The following AK7 variants were observed in gnomAD, a reference collection of about 807,000 sequenced individuals.
AK7 encodes the protein adenylate kinase 7, also known as ATP-AMP transphosphorylase 7.
A neutral mutation model predicts 96.6 loss-of-function variants in AK7; 78 were observed. The ratio of observed to expected loss-of-function variants is 0.81; its 90% CI spans 0.67 to 0.97. The LOEUF is 0.97. Ranked by LOEUF, AK7 falls within the 50% of genes least tolerant of loss-of-function variation. The pLI is 0.00. For missense variants in AK7, 855 were observed against 887.9 expected (o/e 0.96, Z 0.47); for synonymous variants, 302 against 317.2 (o/e 0.95, Z 0.51).
intron 6 of AK7, among the ~76,000 whole-genome samples, chr14:96,439,993 AAAG>A (rs1383646174): frequency 6.6e-6 from 1 of 152,102 alleles, no homozygotes; most frequent in African/African-American, 2.4e-5. Flanking sequence ...TTATTTATTT[AAAG>A]AAGGAGTCTT....
intron 12 of AK7, among the ~76,000 whole-genome samples, chr14:96,459,634 C>T (rs539582044): frequency 3.3e-5 from 5 of 152,014 alleles, no homozygotes; most frequent in Admixed American, 6.6e-5. Context: ...GTAATCCCAG[C>T]ACTTCGTGAT....
At chr14:96,457,054 CTTTTT>C (rs35838636) in intron 11 of AK7, 1 of 85,760 alleles carries the variant, frequency 1.2e-5, no homozygotes, top group South Asian at 4.0e-4. Flanking sequence ...TGTAAAATGG[CTTTTT>C]TTTTTTTTTT....
At chr14:96,456,007 G>A (rs1893877210) in intron 10 of AK7, among the ~76,000 whole-genome samples, 1 of 152,048 alleles carries the variant, frequency 6.6e-6, no homozygotes, top group Non-Finnish European at 1.5e-5. Context: ...GGGAAGCTGA[G>A]GTGGGTAGAT....
chr14:96,429,978 G>A (rs1892252682), intron 5 of AK7, among the ~76,000 whole-genome samples: 1 of 152,080 alleles, frequency 6.6e-6, no homozygotes, highest in South Asian at 2.1e-4. Context: ...TGATTGCCCT[G>A]GTCAGAACTT....
chr14:96,422,753 C>A (rs1030349842), intron 5 of AK7, among the ~76,000 whole-genome samples: 1 of 152,206 alleles, frequency 6.6e-6, no homozygotes, highest in African/African-American at 2.4e-5. Flanking sequence ...AGCATTTCAT[C>A]TTTTATTCTG....
intron 13 of AK7, 33 bp from the exon 14 acceptor site, chr14:96,472,654 A>G: frequency 6.4e-7 from 1 of 1,567,672 alleles, no homozygotes; most frequent in South Asian, 1.1e-5. Flanking sequence ...TAATATATTA[A>G]TAAACACAAT....
intron 5 of AK7, among the ~76,000 whole-genome samples, chr14:96,437,055 C>T: frequency 9.0e-6 from 1 of 110,628 alleles, no homozygotes. Flanking sequence ...AGAGTAGAGG[C>T]TGAGAAGGGT....
chr14:96,450,768 C>CTTTTTTTTT (rs937558741), intron 9 of AK7, among the ~76,000 whole-genome samples: 9 of 93,178 alleles, frequency 9.7e-5, no homozygotes, highest in African/African-American at 3.6e-4. Context: ...ATATTTTTCT[C>CTTTTTTTTT]TTTTTTTTTT....
chr14:96,481,913 C>T (rs1200191542), intron 15 of AK7, among the ~76,000 whole-genome samples: 1 of 152,048 alleles, frequency 6.6e-6, no homozygotes, highest in African/African-American at 2.4e-5. Flanking sequence ...CCATGTTGGC[C>T]AGGCTGGTCT....
At chr14:96,422,426 G>T (rs1042402291) in intron 5 of AK7, among the ~76,000 whole-genome samples, 3 of 152,212 alleles carry the variant, frequency 2.0e-5, no homozygotes, top group African/African-American at 7.2e-5. Context: ...AAGGGAGTAT[G>T]CCTTAACCCT....
At chr14:96,468,457 G>A (rs887170219) in intron 12 of AK7, among the ~76,000 whole-genome samples, 6 of 151,818 alleles carry the variant, frequency 4.0e-5, no homozygotes, top group South Asian at 2.1e-4. Context: ...CACCACGCCC[G>A]GCTAATTATT....
chr14:96,463,993 G>C (rs1894416162), intron 12 of AK7, among the ~76,000 whole-genome samples: 1 of 152,000 alleles, frequency 6.6e-6, no homozygotes, highest in Admixed American at 6.6e-5. Flanking sequence ...CCCTTTCTAG[G>C]GGGTCTCATC....
intron 16 of AK7, among the ~76,000 whole-genome samples, chr14:96,486,107 A>C (rs1895758879): frequency 6.6e-6 from 1 of 152,156 alleles, no homozygotes; most frequent in Non-Finnish European, 1.5e-5. Flanking sequence ...TTATCTTGCA[A>C]GTGATAGAAA....
At chr14:96,453,354 A>G (rs115064427) in intron 10 of AK7, among the ~76,000 whole-genome samples, 1,865 of 152,326 alleles carry the variant, frequency 0.012, 29 homozygotes, top group Middle Eastern at 0.051. Context: ...GATGAGCAAG[A>G]CTGGACAAGA....
At chr14:96,480,832 A>G (rs1470185883) in intron 15 of AK7, among the ~76,000 whole-genome samples, 1 of 152,204 alleles carries the variant, frequency 6.6e-6, no homozygotes, top group East Asian at 1.9e-4. Flanking sequence ...GGGAGATAAT[A>G]TAAAAGCAGA....
intron 5 of AK7, among the ~76,000 whole-genome samples, chr14:96,431,131 T>C (rs1892325752): frequency 6.6e-6 from 1 of 152,332 alleles, no homozygotes; most frequent in African/African-American, 2.4e-5. Flanking sequence ...TTATTGCATC[T>C]ATTTGATTCT....
At chr14:96,407,613 G>T (rs1365548703) in intron 3 of AK7, among the ~76,000 whole-genome samples, 9 of 129,066 alleles carry the variant, frequency 7.0e-5, no homozygotes, top group Non-Finnish European at 1.4e-4. Flanking sequence ...ACAGAGTCTC[G>T]CTCTGTTGCC....
intron 6 of AK7, among the ~76,000 whole-genome samples, chr14:96,440,253 G>T (rs949977673): frequency 6.6e-6 from 1 of 152,182 alleles, no homozygotes; most frequent in South Asian, 2.1e-4. Context: ...GATTACAGGC[G>T]TGAGCCACCG....
rs151145981 is a variant in AK7 at position 96,486,073 on chromosome 14, C to T, written c.1975-825C>T. 8.9e-3 allele frequency among the ~76,000 whole-genome samples: 1,349 copies of T among 152,286 alleles called. 26 individuals carry two copies. The highest frequency in any genetic ancestry group is 0.031 in the African/African-American group (1,288 of 41,566). The stretch of plus-strand genomic sequence containing the variant: ...TGCTGGGATTACAGGCGTGAGCCAC[C>T]GCGCCCAGCCCAGCTAGGACTCTTT... On this transcript the variant is annotated intron_variant, in intron 16 of 17. Transcript: ENST00000267584.
Sources: allele counts gnomAD v4.1 joint callset (sites outside exome capture counted in the v4.1 genomes callset), GRCh38; gene constraint gnomAD v4.1.1; transcripts MANE v1.5; gene names NCBI Gene and HGNC (gene_info 2026-07-23, HGNC 2026-07-21).